IRF2: variants seen among roughly 807,000 people sequenced by gnomAD.
The protein encoded by IRF2 is interferon regulatory factor 2.
A neutral mutation model predicts 40.6 loss-of-function variants in IRF2; 15 were observed. That is an observed-to-expected ratio of 0.37 (90% confidence interval 0.25 to 0.57). The LOEUF (loss-of-function observed/expected upper bound fraction) is 0.57. Ranked by LOEUF, IRF2 falls within the 20% of genes least tolerant of loss-of-function variation. The pLI, the probability that IRF2 is intolerant of heterozygous loss-of-function variation, is 0.77. For synonymous variants in IRF2, 151 were observed against 165.5 expected (o/e 0.91, Z 0.67); for missense variants, 317 against 455.7 (o/e 0.70, Z 2.77).
At chr4:184,394,690 A>C (rs1233973047) in intron 7 of IRF2, among the ~76,000 whole-genome samples, 2 of 151,558 alleles carry the variant, frequency 1.3e-5, no homozygotes, top group Non-Finnish European at 2.9e-5. Flanking sequence ...TCTCGAGTCT[A>C]CTCTCCAGCC....
intron 2 of IRF2, 91 bp downstream of exon 2, chr4:184,428,887 T>G (rs1266114087): frequency 3.9e-6 from 4 of 1,016,154 alleles, no homozygotes; most frequent in Admixed American, 1.7e-5. Flanking sequence ...GCCTAAGATT[T>G]TGAATACACA....
intron 1 of IRF2, among the ~76,000 whole-genome samples, chr4:184,454,367 C>T (rs562277682): frequency 8.5e-5 from 13 of 152,342 alleles, no homozygotes; most frequent in Non-Finnish European, 1.5e-4. Flanking sequence ...TATAAACTTA[C>T]GCACTACAGT....
intron 1 of IRF2, among the ~76,000 whole-genome samples, chr4:184,436,270 C>T (rs1431331695): frequency 2.0e-5 from 3 of 152,104 alleles, no homozygotes; most frequent in African/African-American, 7.2e-5. Flanking sequence ...CCACTGCGCC[C>T]GGCCATGGAA....
At chr4:184,442,005 GTCTGACCTGGCA>G (rs2149909414) in intron 1 of IRF2, among the ~76,000 whole-genome samples, 1 of 152,200 alleles carries the variant, frequency 6.6e-6, no homozygotes, top group East Asian at 1.9e-4. Context: ...CCACACCTCC[GTCTGACCTGGCA>G]TCTGCACTGG....
chr4:184,471,370 T>A (rs559807697), intron 1 of IRF2, among the ~76,000 whole-genome samples: 69 of 152,338 alleles, frequency 4.5e-4, no homozygotes, highest in Non-Finnish European at 8.7e-4. Context: ...TTTCTCGCTG[T>A]CAGTTGAGTA....
chr4:184,427,740 G>A (rs1467652418), intron 2 of IRF2, among the ~76,000 whole-genome samples: 1 of 152,160 alleles, frequency 6.6e-6, no homozygotes, highest in East Asian at 1.9e-4. Context: ...AATAAGGCCA[G>A]GAATGATATT....
At chr4:184,434,199 G>T (rs1737994258) in intron 1 of IRF2, among the ~76,000 whole-genome samples, 1 of 152,200 alleles carries the variant, frequency 6.6e-6, no homozygotes, top group South Asian at 2.1e-4. Flanking sequence ...GCTCAGTGGA[G>T]ATGACACAGA....
At chr4:184,394,826 C>G (rs1736386723) in intron 7 of IRF2, among the ~76,000 whole-genome samples, 1 of 152,170 alleles carries the variant, frequency 6.6e-6, no homozygotes, top group Admixed American at 6.5e-5. Flanking sequence ...CACCTTTAAA[C>G]ATGACATGTC....
At chr4:184,463,895 G>A (rs1354973809) in intron 1 of IRF2, among the ~76,000 whole-genome samples, 1 of 152,172 alleles carries the variant, frequency 6.6e-6, no homozygotes. Flanking sequence ...AAAGGCAGGT[G>A]TGAGGGGAAA....
rs143217919 is a variant in IRF2 at position 184,394,207 on chromosome 4, T to C, written c.695-3458A>G. On this transcript the variant is annotated intron_variant, in intron 7 of 8. Coordinates refer to ENST00000393593, the MANE Select transcript of IRF2 (RefSeq NM_002199.4). ...TCTGGTCTCAGTTTTCCTGAAAGCATCTAGGGTGGGAGGGAAGGGGAGGAT... is the reference window on the plus strand; with the variant it reads ...TCTGGTCTCAGTTTTCCTGAAAGCACCTAGGGTGGGAGGGAAGGGGAGGAT... Among the ~76,000 whole-genome samples the C allele has an allele frequency of 1.1e-3, 165 of 151,950 alleles. 1 individual carries two copies. The highest frequency in any genetic ancestry group is 3.8e-3 in the African/African-American group (159 of 41,474).
intron 1 of IRF2, among the ~76,000 whole-genome samples, chr4:184,470,126 C>T (rs1233005774): frequency 1.3e-5 from 2 of 152,162 alleles, no homozygotes; most frequent in African/African-American, 4.8e-5. Flanking sequence ...ACACAGGGGG[C>T]CGACGGGGCA....
chr4:184,415,108 A>G (rs13115095), intron 5 of IRF2, among the ~76,000 whole-genome samples: 27,945 of 152,228 alleles, frequency 0.18, 3,099 homozygotes, highest in Non-Finnish European at 0.25. Context: ...TTGAACAGCC[A>G]GGAAGCACAG....
chr4:184,456,177 T>A (rs1738918438), intron 1 of IRF2, among the ~76,000 whole-genome samples: 1 of 152,194 alleles, frequency 6.6e-6, no homozygotes, highest in African/African-American at 2.4e-5. Context: ...CTCACCCCCA[T>A]TAGTTCATTC....
chr4:184,410,689 A>G (rs920829689), intron 5 of IRF2, among the ~76,000 whole-genome samples: 3 of 152,262 alleles, frequency 2.0e-5, no homozygotes, highest in Middle Eastern at 3.4e-3. Flanking sequence ...GTCTGACCTT[A>G]TTTTTTTAGT....
intron 1 of IRF2, among the ~76,000 whole-genome samples, chr4:184,449,997 G>A (rs1021168233): frequency 1.3e-5 from 2 of 152,176 alleles, no homozygotes; most frequent in Non-Finnish European, 2.9e-5. Flanking sequence ...GTATACTGAC[G>A]CAGGCTCACC....
chr4:184,393,880 C>A (rs1304496659), intron 7 of IRF2, among the ~76,000 whole-genome samples: 1 of 152,180 alleles, frequency 6.6e-6, no homozygotes, highest in African/African-American at 2.4e-5. Flanking sequence ...ATGCACTGCG[C>A]CCCGTGTCCT....
chr4:184,393,811 C>G (rs1368464198), intron 7 of IRF2, among the ~76,000 whole-genome samples: 1 of 152,096 alleles, frequency 6.6e-6, no homozygotes, highest in Non-Finnish European at 1.5e-5. Context: ...TGAACCTCCC[C>G]CTGAGGGGAG....
At chr4:184,389,441 T>A (rs1736173502) in intron 8 of IRF2, among the ~76,000 whole-genome samples, 1 of 152,120 alleles carries the variant, frequency 6.6e-6, no homozygotes, top group Admixed American at 6.5e-5. Flanking sequence ...ACAAAAAAAA[T>A]TTTAAAATGA....
At chr4:184,399,247 A>G (rs1460956078) in intron 6 of IRF2, among the ~76,000 whole-genome samples, 168 bp from the exon 7 acceptor site, 1 of 152,144 alleles carries the variant, frequency 6.6e-6, no homozygotes, top group African/African-American at 2.4e-5. Context: ...CTCTGGTGTG[A>G]TGTCTCCCAG....
Sources: allele counts gnomAD v4.1 joint callset (sites outside exome capture counted in the v4.1 genomes callset), GRCh38; gene constraint gnomAD v4.1.1; transcripts MANE v1.5; gene names NCBI Gene and HGNC (gene_info 2026-07-23, HGNC 2026-07-21).